Variants in ADGRL2 observed in about 807,000 individuals in gnomAD.
ADGRL2 encodes adhesion G protein-coupled receptor L2, also known as calcium-independent alpha-latrotoxin receptor 2.
A neutral mutation model predicts 157.4 loss-of-function variants in ADGRL2; 44 were observed. That is an observed-to-expected ratio of 0.28 (90% CI 0.22 to 0.36). The LOEUF is 0.36. Among genes scored for constraint, ADGRL2 ranks in the 10% least tolerant of loss-of-function variants. The probability of loss-of-function intolerance (pLI) is 1.00; values close to 1 mark genes in which losing one functional copy is unlikely to be tolerated. For synonymous variants in ADGRL2, 585 were observed against 624.7 expected (o/e 0.94, Z 0.95); for missense variants, 1,510 against 1,768.9 (o/e 0.85, Z 2.63).
intron 3 of ADGRL2, among the ~76,000 whole-genome samples, chr1:81,682,561 T>C (rs559004677): frequency 1.3e-5 from 2 of 152,312 alleles, no homozygotes; most frequent in African/African-American, 4.8e-5. Flanking sequence ...CTTTGAATTC[T>C]TCTACCCTGT....
intron 2 of ADGRL2, among the ~76,000 whole-genome samples, chr1:81,455,473 G>A (rs946468541): frequency 1.3e-5 from 2 of 152,072 alleles, no homozygotes; most frequent in African/African-American, 2.4e-5. Context: ...AGAATAAAAC[G>A]TACCAATGCA....
chr1:81,492,118 G>T (rs374880678), intron 2 of ADGRL2, among the ~76,000 whole-genome samples: 1 of 151,990 alleles, frequency 6.6e-6, no homozygotes, highest in African/African-American at 2.4e-5. Flanking sequence ...TTATAACTTT[G>T]TTTCTTTCTA....
At chr1:81,654,430 A>G (rs112309040) in intron 3 of ADGRL2, among the ~76,000 whole-genome samples, 2 of 152,216 alleles carry the variant, frequency 1.3e-5, no homozygotes, top group African/African-American at 2.4e-5. Context: ...CCATTTAATG[A>G]CTGTTGCGGT....
At chr1:81,459,517 G>C (rs2077877054) in intron 2 of ADGRL2, among the ~76,000 whole-genome samples, 1 of 151,982 alleles carries the variant, frequency 6.6e-6, no homozygotes, top group Non-Finnish European at 1.5e-5. Context: ...ATTTATTTAA[G>C]GTGCAATAAT....
intron 1 of ADGRL2, among the ~76,000 whole-genome samples, chr1:81,334,138 C>A (rs959089392): frequency 1.3e-5 from 2 of 152,192 alleles, no homozygotes; most frequent in Non-Finnish European, 2.9e-5. Flanking sequence ...TTTAGAATAG[C>A]ATAATGGTTA....
intron 1 of ADGRL2, among the ~76,000 whole-genome samples, chr1:81,388,985 C>T (rs866105720): frequency 6.6e-6 from 1 of 152,050 alleles, no homozygotes; most frequent in Non-Finnish European, 1.5e-5. Context: ...CTGCCAAAAC[C>T]ATAGCTAGAA....
chr1:81,541,708 G>T (rs2079887831), intron 2 of ADGRL2, among the ~76,000 whole-genome samples: 3 of 151,940 alleles, frequency 2.0e-5, no homozygotes. Context: ...CCAGCACTTT[G>T]GGAGGCTGAG....
intron 1 of ADGRL2, among the ~76,000 whole-genome samples, chr1:81,329,859 A>C (rs2100687144): frequency 6.6e-6 from 1 of 152,296 alleles, no homozygotes; most frequent in East Asian, 1.9e-4. Context: ...CTGAAACATT[A>C]TCGTTACCAG....
intron 19 of ADGRL2, among the ~76,000 whole-genome samples, 154 bp downstream of exon 19, chr1:81,982,130 T>G (rs1055036260): frequency 6.7e-6 from 1 of 150,058 alleles, no homozygotes; most frequent in Non-Finnish European, 1.5e-5. Context: ...GTCTGAAAAT[T>G]TAGGTTTCAC....
At chr1:81,693,168 T>C (rs1340819691) in intron 3 of ADGRL2, among the ~76,000 whole-genome samples, 1 of 152,062 alleles carries the variant, frequency 6.6e-6, no homozygotes, top group East Asian at 1.9e-4. Flanking sequence ...CCCCTGAACT[T>C]CTCACAATTG....
chr1:81,449,002 A>G (rs192684453), intron 2 of ADGRL2, among the ~76,000 whole-genome samples: 1 of 152,314 alleles, frequency 6.6e-6, no homozygotes, highest in East Asian at 1.9e-4. Context: ...GTACCAGAAA[A>G]AGTATACATA....
intron 1 of ADGRL2, among the ~76,000 whole-genome samples, chr1:81,441,210 T>G (rs2077501915): frequency 6.6e-6 from 1 of 152,204 alleles, no homozygotes; most frequent in Non-Finnish European, 1.5e-5. Context: ...TGGCATATTA[T>G]TAATATGGCA....
At chr1:81,433,028 A>G (rs571445183) in intron 1 of ADGRL2, among the ~76,000 whole-genome samples, 1 of 152,266 alleles carries the variant, frequency 6.6e-6, no homozygotes, top group East Asian at 1.9e-4. Flanking sequence ...AGGAAGGAAC[A>G]TCTGGCTGAA....
intron 3 of ADGRL2, among the ~76,000 whole-genome samples, chr1:81,597,108 A>G (rs2148615879): frequency 6.6e-6 from 1 of 152,348 alleles, no homozygotes; most frequent in South Asian, 2.1e-4. Context: ...TCCTGAGAAA[A>G]GTATGTAACA....
intron 1 of ADGRL2, among the ~76,000 whole-genome samples, chr1:81,760,211 G>A (rs921914483): frequency 7.2e-5 from 11 of 152,036 alleles, no homozygotes; most frequent in Admixed American, 4.6e-4. Context: ...GATTCATCAG[G>A]ACTTGGTTGT....
At chr1:81,763,101 G>A (rs1049563863) in intron 2 of ADGRL2, among the ~76,000 whole-genome samples, 1 of 150,500 alleles carries the variant, frequency 6.6e-6, no homozygotes, top group Non-Finnish European at 1.5e-5. Flanking sequence ...CAAAAGAATG[G>A]GAATATAAGT....
chr1:81,796,208 C>T (rs1170398551), upstream of ADGRL2, among the ~76,000 whole-genome samples: 2 of 152,116 alleles, frequency 1.3e-5, no homozygotes, highest in African/African-American at 2.4e-5. Flanking sequence ...CCAGGATGGT[C>T]TTGAACTCCT....
chr1:81,488,049 C>T (rs2078547074), intron 2 of ADGRL2, among the ~76,000 whole-genome samples: 1 of 152,050 alleles, frequency 6.6e-6, no homozygotes, highest in Admixed American at 6.6e-5. Flanking sequence ...TGCATGCTAC[C>T]CCTGCCCCCC....
intron 1 of ADGRL2, among the ~76,000 whole-genome samples, chr1:81,337,422 C>T (rs1246102462): frequency 1.3e-5 from 2 of 152,176 alleles, no homozygotes; most frequent in South Asian, 4.1e-4. Flanking sequence ...CCAGACCCTG[C>T]ACTCGCTCAC....
Sources: allele counts gnomAD v4.1 joint callset (sites outside exome capture counted in the v4.1 genomes callset), GRCh38; gene constraint gnomAD v4.1.1; transcripts MANE v1.5; gene names NCBI Gene and HGNC (gene_info 2026-07-23, HGNC 2026-07-21).